ZNF469: variants seen among roughly 807,000 people sequenced by gnomAD.
ZNF469 encodes the protein zinc finger protein 469.
A neutral mutation model predicts 1.0 loss-of-function variants in ZNF469; 1 was observed. The observed-to-expected ratio is 1.00, with a 90% CI of 0.35 to 4.73. The LOEUF (loss-of-function observed/expected upper bound fraction) is 4.73. ZNF469 is among the 30% of genes most tolerant of loss of function. The pLI, the probability that ZNF469 is intolerant of heterozygous loss-of-function variation, is 0.16. For synonymous variants in ZNF469, 2,703 were observed against 2,363.4 expected, an observed-to-expected ratio of 1.14 and a Z score of -4.17; for missense variants, 6,100 against 5,356.3, an observed-to-expected ratio of 1.14 and a Z score of -4.33.
At chr16:88,389,319 C>T (rs1313089440) in intron 1 of ZNF469, among the ~76,000 whole-genome samples, 1 of 152,236 alleles carries the variant, frequency 6.6e-6, no homozygotes, top group East Asian at 1.9e-4. Flanking sequence ...CCATCTGTGC[C>T]GTGGCGGGAG....
intron 1 of ZNF469, among the ~76,000 whole-genome samples, chr16:88,409,238 C>G (rs1207336632): frequency 2.0e-5 from 3 of 152,250 alleles, no homozygotes; most frequent in African/African-American, 7.2e-5. Flanking sequence ...CTCAGTTTCC[C>G]CACCTGCAAA....
At chr16:88,344,593 A>T in the ZNF469 span, among the ~76,000 whole-genome samples, 3 of 152,350 alleles carry the variant, frequency 2.0e-5, no homozygotes, top group South Asian at 6.2e-4. Context: ...GGGCCGGGAC[A>T]GCCAGCTGTG....
chr16:88,402,924 A>AC lies in ZNF469; in HGVS notation c.-192+19675dup, dbSNP rs568115265. ...GCTCTGCTGACTCTTTCAGCTGAGA[A>AC]CCCCCACGCCGGGAACAGGAACACC... On this transcript the variant is annotated intron_variant, in intron 1 of 2. Transcript: ENST00000565624. 3.8e-3 allele frequency among the ~76,000 whole-genome samples: 573 copies of AC among 151,546 alleles called. 2 individuals carry two copies. Among genetic ancestry groups the AC allele is most frequent in the African/African-American group, 0.014 (558 of 41,210 alleles).
At chr16:88,184,056 G>A in the ZNF469 span, among the ~76,000 whole-genome samples, 1 of 151,958 alleles carries the variant, frequency 6.6e-6, no homozygotes, top group African/African-American at 2.4e-5. Flanking sequence ...GAGGCGGGCA[G>A]AAGTGGAAGC....
At chr16:88,228,433 C>T in the ZNF469 span, among the ~76,000 whole-genome samples, 543 of 152,330 alleles carry the variant, frequency 3.6e-3, 4 homozygotes, top group African/African-American at 0.013. Flanking sequence ...GCGGGATTCC[C>T]GAGATAAGCC....
At chr16:88,271,940 G>A in the ZNF469 span, among the ~76,000 whole-genome samples, 4 of 152,254 alleles carry the variant, frequency 2.6e-5, no homozygotes, top group East Asian at 7.7e-4. Context: ...TGAGTGGGTG[G>A]ATGGATGAAT....
the ZNF469 span, among the ~76,000 whole-genome samples, chr16:88,186,311 A>G: frequency 2.0e-5 from 3 of 152,182 alleles, no homozygotes; most frequent in East Asian, 5.8e-4. Context: ...TGGCATCCAC[A>G]CTTGGCCTTT....
rs748259983 is a variant in ZNF469, at chr16:88,437,595, C to A, written c.10125C>A (p.Pro3375=). 2 of 1,538,062 alleles carry A rather than the reference C, an allele frequency of 1.3e-6. No homozygotes were observed. The highest frequency in any genetic ancestry group is 4.0e-5 in the Admixed American group (2 of 50,604). The stretch of plus-strand genomic sequence containing the variant: ...GCCCCCGGTGCCCCCGGGTCTACCC[C>A]GAGCACGGGGAGCTGCTGGCACACC... ...YLCPRCPRVY[P]EHGELLAHLG... is the part of the protein sequence containing the mutation. Residue 3375 remains proline, a synonymous_variant, in exon 3 of 3, where the codon CCC becomes CCA. Coordinates refer to ENST00000565624, the MANE Select transcript of ZNF469 (RefSeq NM_001367624.2).
chr16:88,130,726 A>AGG, the ZNF469 span, among the ~76,000 whole-genome samples: 3,046 of 148,752 alleles, frequency 0.02, no homozygotes, highest in African/African-American at 0.07. Context: ...AAAAAAAAAA[A>AGG]AGAGGCACCT....
chr16:88,181,659 C>T, the ZNF469 span, among the ~76,000 whole-genome samples: 6 of 152,130 alleles, frequency 3.9e-5, no homozygotes, highest in African/African-American at 1.2e-4. Flanking sequence ...CAAGGCAGTG[C>T]TTGGAAGAAC....
chr16:88,232,477 A>C, the ZNF469 span, among the ~76,000 whole-genome samples: 1 of 152,178 alleles, frequency 6.6e-6, no homozygotes, highest in Non-Finnish European at 1.5e-5. Flanking sequence ...GGCCACTGCA[A>C]TCTCTGGAAA....
the ZNF469 span, among the ~76,000 whole-genome samples, chr16:88,271,394 C>T: frequency 1.5e-5 from 2 of 132,798 alleles, no homozygotes; most frequent in African/African-American, 5.0e-5. Context: ...GAGAAGGTGG[C>T]CTAGACTAGA....
At chr16:88,187,202 C>G in the ZNF469 span, among the ~76,000 whole-genome samples, 1 of 152,018 alleles carries the variant, frequency 6.6e-6, no homozygotes, top group Admixed American at 6.6e-5. Context: ...GGTTGGGGAC[C>G]CTGAAGCAGC....
At chr16:88,355,513 G>A in the ZNF469 span, among the ~76,000 whole-genome samples, 470 of 152,310 alleles carry the variant, frequency 3.1e-3, 1 homozygote, top group Non-Finnish European at 5.6e-3. Context: ...CCGGGCTCCC[G>A]CACCCTGCAG....
rs757511935 is a variant in ZNF469, at chr16:88,436,073, G to A, written c.8603G>A (p.Arg2868His). The change falls in exon 3 of 3, where the codon CGC becomes CAC. Residue 2868 changes from arginine to histidine, a missense_variant. By Grantham distance (29) the Arg-to-His change is conservative (BLOSUM62 0). Transcript: ENST00000565624. ...SFSQLFPPGG[R>H]LTRKRNPHVY... is the part of the protein sequence containing the mutation. ...TCCCAGCTCTTCCCTCCAGGCGGTCGCTTGACTAGAAAGAGGAACCCGCAT... is the reference window on the plus strand; with the variant it reads ...TCCCAGCTCTTCCCTCCAGGCGGTCACTTGACTAGAAAGAGGAACCCGCAT... The A allele has an allele frequency of 1.2e-5, 19 of 1,550,056 alleles. No homozygotes were observed. The highest frequency in any genetic ancestry group is 4.9e-5 in the East Asian group (2 of 40,920).
chr16:88,153,003 C>T, the ZNF469 span, among the ~76,000 whole-genome samples: 303 of 152,298 alleles, frequency 2.0e-3, 5 homozygotes, highest in African/African-American at 6.9e-3. Flanking sequence ...CTCCGGCTGG[C>T]GTCTGCTGCT....
chr16:88,378,633 G>T (rs937477588), upstream of ZNF469, among the ~76,000 whole-genome samples: 6 of 152,150 alleles, frequency 3.9e-5, no homozygotes, highest in African/African-American at 1.2e-4. Flanking sequence ...AATGCTCGGG[G>T]CCCCCAAAGC....
At chr16:88,107,497 C>T in the ZNF469 span, among the ~76,000 whole-genome samples, 148 of 152,300 alleles carry the variant, frequency 9.7e-4, no homozygotes, top group African/African-American at 3.5e-3. Context: ...CCCCTGGGCT[C>T]TCCCTCCACA....
chr16:88,423,463 C>A (rs1905570681), intron 1 of ZNF469, among the ~76,000 whole-genome samples: 1 of 152,140 alleles, frequency 6.6e-6, no homozygotes, highest in Non-Finnish European at 1.5e-5. Context: ...ACATTAGGGC[C>A]TCTGGGTTCT....
Sources: allele counts gnomAD v4.1 joint callset (sites outside exome capture counted in the v4.1 genomes callset), GRCh38; gene constraint gnomAD v4.1.1; transcripts MANE v1.5; gene names NCBI Gene and HGNC (gene_info 2026-07-23, HGNC 2026-07-21).